Variants in ZC3H6 observed in about 807,000 individuals in gnomAD.
ZC3H6 encodes the protein zinc finger CCCH domain-containing protein 6.
A neutral mutation model predicts 107.7 loss-of-function variants in ZC3H6; 40 were observed. That is an observed-to-expected ratio of 0.37 (90% CI 0.29 to 0.48). The LOEUF (loss-of-function observed/expected upper bound fraction) is 0.48, where lower values mean the gene tolerates loss of function less well. Among genes scored for constraint, ZC3H6 ranks in the 20% least tolerant of loss-of-function variants. ZC3H6 has a pLI of 0.98. For missense variants in ZC3H6, 1,267 were observed against 1,410.4 expected (o/e 0.90, Z 1.63); for synonymous variants, 493 against 487.9 (o/e 1.01, Z -0.14).
chr2:112,306,174 C>CTT (rs35102517), intron 3 of ZC3H6, among the ~76,000 whole-genome samples: 61,325 of 136,624 alleles, frequency 0.45, 16,310 homozygotes, highest in East Asian at 0.74. Flanking sequence ...GTCTGTATTT[C>CTT]TTTTTTTTTT....
At chr2:112,330,774 T>C (rs528045872) in intron 11 of ZC3H6, among the ~76,000 whole-genome samples, 1 of 152,188 alleles carries the variant, frequency 6.6e-6, no homozygotes, top group Non-Finnish European at 1.5e-5. Context: ...TCGATAGTTT[T>C]CTTACCACAT....
In ZC3H6 at chr2:112,336,457, A is replaced by C. The variant is rs1207356804; in HGVS notation, c.*3969A>C. ...TGTTCAAAATTAAGTCCAGTAAAAT[A>C]TATAAGCATTTGTAAACTATAATTA... On this transcript the variant is annotated 3_prime_UTR_variant, in exon 12 of 12. Coordinates refer to ENST00000409871, the MANE Select transcript of ZC3H6 (RefSeq NM_198581.3). 2.6e-5 allele frequency: 4 copies of C among 152,232 alleles called. No homozygotes were observed. Among genetic ancestry groups the C allele is most frequent in the African/African-American group, 9.6e-5 (4 of 41,468 alleles). 9.4% of individuals were successfully genotyped at this position (152,232 alleles called of 1,614,324 possible).
chr2:112,293,614 C>G (rs1018407868), intron 1 of ZC3H6, among the ~76,000 whole-genome samples: 2 of 152,148 alleles, frequency 1.3e-5, no homozygotes, highest in African/African-American at 4.8e-5. Flanking sequence ...TCTTCCATGG[C>G]CCCAGTGTGA....
rs1394696916 is a variant in ZC3H6, at chr2:112,336,652, A to G, written c.*4164A>G. 1.3e-5 allele frequency: 2 copies of G among 152,070 alleles called. No individual in the cohort carries two copies. Among genetic ancestry groups the G allele is most frequent in the African/African-American group, 2.4e-5 (1 of 41,416 alleles). 9.4% of individuals were successfully genotyped at this position (152,070 alleles called of 1,614,324 possible). A position where few individuals can be genotyped will look rare whatever the true frequency, so the allele number is the denominator to read the frequency against. On this transcript the variant is annotated 3_prime_UTR_variant, in exon 12 of 12. Transcript: ENST00000409871. ...AAAGTTTTGGCAGCTACCAGTCACTATATTGCTGGAGTTTTGTGTTTGAGT... is the reference window on the plus strand; with the variant it reads ...AAAGTTTTGGCAGCTACCAGTCACTGTATTGCTGGAGTTTTGTGTTTGAGT...
intron 1 of ZC3H6, among the ~76,000 whole-genome samples, chr2:112,299,254 G>T (rs915973421): frequency 2.7e-5 from 4 of 148,416 alleles, no homozygotes; most frequent in Non-Finnish European, 5.9e-5. Flanking sequence ...TCCAGCCTGG[G>T]CGTCAGAGTG....
At chr2:112,286,068 G>C (rs1181449647) in intron 1 of ZC3H6, 1 of 283,724 alleles carries the variant, frequency 3.5e-6, no homozygotes, top group African/African-American at 2.3e-5. Flanking sequence ...TAATATGACA[G>C]GTTAAATGTT....
In ZC3H6 at chr2:112,290,835, T is replaced by C. The variant is rs928907179; in HGVS notation, c.33-9014T>C. ...TTTTTTCTTAATTGAACTTTGGTAG[T>C]GTGCCCTTGGCTCAAATTGGCATAT... On this transcript the variant is annotated intron_variant, in intron 1 of 11. Coordinates refer to ENST00000409871, the MANE Select transcript of ZC3H6 (RefSeq NM_198581.3). Among the ~76,000 whole-genome samples, 6 of 152,286 alleles carry C rather than the reference T, an allele frequency of 3.9e-5. No individual in the cohort carries two copies. In the East Asian group the frequency reaches 5.8e-4, roughly 15 times the overall value.
chr2:112,280,034 T>C (rs142538116), intron 1 of ZC3H6, among the ~76,000 whole-genome samples: 16,349 of 152,248 alleles, frequency 0.11, 1,186 homozygotes, highest in Non-Finnish European at 0.16. Flanking sequence ...ATCCTGATCT[T>C]CTAACTTGGG....
At position 112,331,914 on chromosome 2, in the gene ZC3H6, C is replaced by G. The variant is rs1202347988; in HGVS notation, c.2996C>G (p.Pro999Arg). 3 of 1,613,922 alleles carry G rather than the reference C, an allele frequency of 1.9e-6. No homozygotes were observed. Among genetic ancestry groups the G allele is most frequent in the Non-Finnish European group, 2.5e-6 (3 of 1,179,874 alleles). The change falls in exon 12 of 12, where the codon CCC becomes CGC. Residue 999 changes from proline (P) to arginine (R), a missense_variant. Coordinates refer to ENST00000409871, the MANE Select transcript of ZC3H6 (RefSeq NM_198581.3). Reference protein sequence around the residue: ...SHASKGAPHLPRSNPGSSQPS... With the variant: ...SHASKGAPHLRRSNPGSSQPS... ...GCATCAAAGGGTGCCCCTCACTTAC[C>G]CAGATCAAACCCTGGTTCATCACAG...
At chr2:112,281,894 T>G (rs1686532971) in intron 1 of ZC3H6, among the ~76,000 whole-genome samples, 1 of 151,964 alleles carries the variant, frequency 6.6e-6, no homozygotes, top group Non-Finnish European at 1.5e-5. Flanking sequence ...GGTCACAGGA[T>G]GTACATTATC....
chr2:112,286,665 C>T (rs1686617301), intron 1 of ZC3H6, among the ~76,000 whole-genome samples: 1 of 152,200 alleles, frequency 6.6e-6, no homozygotes, highest in Admixed American at 6.5e-5. Context: ...CTTGAGCCTC[C>T]TGGGCTCAAG....
rs765981627 is a variant in ZC3H6 at position 112,332,165 on chromosome 2, A to C, written c.3247A>C (p.Ser1083Arg). ...GAAAAAAAGTGGTGGCTTAAAAAGT[A>C]GTGACAAAACTGAACCTTCTCCTGG... ...NQKKSGGLKS[S>R]DKTEPSPGEA... is the part of the protein sequence containing the mutation. The change falls in exon 12 of 12, where the codon AGT (serine) becomes CGT (arginine). Residue 1083 changes from serine to arginine, a missense_variant. Coordinates refer to ENST00000409871, the MANE Select transcript of ZC3H6 (RefSeq NM_198581.3). 36 of 1,613,854 alleles carry C rather than the reference A, an allele frequency of 2.2e-5. No homozygotes were observed. In the Admixed American group the frequency reaches 6.0e-4, roughly 27 times the overall value.
intron 7 of ZC3H6, among the ~76,000 whole-genome samples, chr2:112,319,126 A>C (rs1265427238): frequency 6.6e-6 from 1 of 152,208 alleles, no homozygotes; most frequent in African/African-American, 2.4e-5. Context: ...AAAAGTCTGG[A>C]AAATTTGTAT....
At chr2:112,285,686 G>A (rs534426143) in intron 1 of ZC3H6, among the ~76,000 whole-genome samples, 2 of 152,102 alleles carry the variant, frequency 1.3e-5, no homozygotes, top group South Asian at 2.1e-4. Flanking sequence ...TTCTCGGGCC[G>A]TGTGTGGTGG....
chr2:112,311,615 T>G (rs1486834987), intron 4 of ZC3H6, among the ~76,000 whole-genome samples, 189 bp from the exon 5 acceptor site: 1 of 152,218 alleles, frequency 6.6e-6, no homozygotes, highest in Non-Finnish European at 1.5e-5. Context: ...CCTATGTTGT[T>G]AACATCCCTT....
At position 112,331,244 on chromosome 2, in the gene ZC3H6, C is replaced by G. The variant is rs771702125; in HGVS notation, c.2326C>G (p.Pro776Ala). 3.7e-6 allele frequency: 6 copies of G among 1,613,780 alleles called. No individual in the cohort carries two copies. The Admixed American group carries it at 1.0e-4, about 27-fold the overall frequency. Residue 776 changes from proline to alanine, a missense_variant, in exon 12 of 12, where the codon CCA becomes GCA. Physicochemically the swap from Pro to Ala is conservative, Grantham distance 27. Coordinates refer to ENST00000409871, the MANE Select transcript of ZC3H6 (RefSeq NM_198581.3). ...CATTAGAAAGCCTTCTGAGTCTGCC[C>G]CACTGGATCTTAGACTTGCGTGGGA... ...QDIRKPSESA[P>A]LDLRLAWDPR...
rs1677131239 is a variant in ZC3H6 at position 112,336,007 on chromosome 2, C to T, written c.*3519C>T. ...GCATGTTTAGGCAAAGTGGCCAGCT[C>T]ATTCAATATAAGAGCCACCAGCTCT... On this transcript the variant is annotated 3_prime_UTR_variant, in exon 12 of 12. Transcript: ENST00000409871. 6.6e-6 allele frequency: 1 copy of T among 152,160 alleles called. No homozygotes were observed. Among genetic ancestry groups the T allele is most frequent in the Admixed American group, 6.5e-5 (1 of 15,272 alleles). The allele number at this position is 152,160 out of a possible 1,614,324, so 9.4% of individuals were successfully genotyped here. A position where few individuals can be genotyped will look rare whatever the true frequency, so the allele number is the denominator to read the frequency against.
chr2:112,322,802 G>A lies in ZC3H6; in HGVS notation c.1240G>A (p.Asp414Asn), dbSNP rs752907674. 9 of 1,613,854 alleles carry A rather than the reference G, an allele frequency of 5.6e-6. No individual in the cohort carries two copies. Among genetic ancestry groups the A allele is most frequent in the Middle Eastern group, 1.6e-4 (1 of 6,062 alleles). Residue 414 changes from aspartate to asparagine, a missense_variant, in exon 9 of 12, where the codon GAT (aspartate) becomes AAT (asparagine). Physicochemically the swap from Asp to Asn is conservative, Grantham distance 23 (BLOSUM62 1). Coordinates refer to ENST00000409871, the MANE Select transcript of ZC3H6 (RefSeq NM_198581.3). ...EHFPFSDPED[D>N]FQTDFSDDFR... Reference sequence around the variant, plus strand: ...TTTTCCCTTTTCTGATCCTGAAGACGATTTTCAGACAGATTTCTCTGATGA... The same window carrying A: ...TTTTCCCTTTTCTGATCCTGAAGACAATTTTCAGACAGATTTCTCTGATGA...
In ZC3H6 at chr2:112,298,612, TAAAAATGCTTATTG is replaced by T. The variant is rs145652533; in HGVS notation, c.33-1236_33-1223del. Among the ~76,000 whole-genome samples, 277 of 152,342 alleles carry T rather than the reference TAAAAATGCTTATTG, an allele frequency of 1.8e-3. 5 individuals are homozygous for T. The highest frequency in any genetic ancestry group is 2.3e-3 in the Non-Finnish European group (159 of 68,040). ...TTCAACCAAAGAATTACTTCATGCTTAAAAATGCTTATTGCCGAGTTATCGGCAAGCAATCAAAT... is the reference window on the plus strand; with the variant it reads ...TTCAACCAAAGAATTACTTCATGCTTCCGAGTTATCGGCAAGCAATCAAAT... On this transcript the variant is annotated intron_variant, in intron 1 of 11. Transcript: ENST00000409871.
Sources: gnomAD v4.1 joint callset for allele counts (sites outside exome capture counted in the v4.1 genomes callset) on GRCh38, gnomAD v4.1.1 for gene constraint, MANE v1.5 for transcripts, NCBI Gene and HGNC (gene_info 2026-07-23, HGNC 2026-07-21) for gene names.